The following WWC2 variants were observed in gnomAD, a reference collection of about 807,000 sequenced individuals.
The protein encoded by WWC2 is WW and C2 domain containing 2.
Under a neutral mutation model 138.5 loss-of-function variants are expected in WWC2, and 101 were observed. The ratio of observed to expected loss-of-function variants is 0.73; its 90% CI spans 0.62 to 0.86. The LOEUF is 0.86. Ranked by LOEUF, WWC2 falls within the 40% of genes least tolerant of loss-of-function variation. The pLI, the probability that WWC2 is intolerant of heterozygous loss-of-function variation, is 0.00. For synonymous variants in WWC2, 558 were observed against 538.4 expected (o/e 1.04, Z -0.50); for missense variants, 1,420 against 1,419.4 (o/e 1.00, Z -0.01).
At chr4:183,302,195 G>T (rs1738864063) in intron 21 of WWC2, among the ~76,000 whole-genome samples, 1 of 152,198 alleles carries the variant, frequency 6.6e-6, no homozygotes, top group Non-Finnish European at 1.5e-5. Context: ...TAAGAGAATT[G>T]CTGATAGTAT....
intron 4 of WWC2, among the ~76,000 whole-genome samples, chr4:183,232,499 C>T (rs542861626): frequency 7.9e-5 from 12 of 152,254 alleles, no homozygotes; most frequent in East Asian, 5.8e-4. Flanking sequence ...CTGTTACAGA[C>T]ATTTCATATA....
chr4:183,147,903 A>G (rs1733509298), intron 1 of WWC2, among the ~76,000 whole-genome samples: 1 of 152,196 alleles, frequency 6.6e-6, no homozygotes, highest in African/African-American at 2.4e-5. Context: ...GTTCTGTTTC[A>G]TTGTTCAAAA....
chr4:183,243,197 A>C (rs76415623), intron 5 of WWC2, among the ~76,000 whole-genome samples: 4,324 of 152,266 alleles, frequency 0.028, 213 homozygotes, highest in African/African-American at 0.096. Flanking sequence ...TCAAATGATA[A>C]AGTTTATGTT....
intron 1 of WWC2, among the ~76,000 whole-genome samples, chr4:183,162,293 A>G (rs1379087938): frequency 4.6e-5 from 7 of 152,222 alleles, no homozygotes; most frequent in African/African-American, 1.7e-4. Flanking sequence ...ATTTGCCTAT[A>G]CACTTATAGA....
intron 19 of WWC2, among the ~76,000 whole-genome samples, chr4:183,284,677 G>A (rs983911896): frequency 1.3e-5 from 2 of 152,094 alleles, no homozygotes; most frequent in African/African-American, 4.8e-5. Context: ...TTTGGACTTC[G>A]GTCTGTATTT....
chr4:183,276,029 T>C (rs920430439), intron 16 of WWC2, among the ~76,000 whole-genome samples: 1 of 152,150 alleles, frequency 6.6e-6, no homozygotes, highest in African/African-American at 2.4e-5. Flanking sequence ...TTGCATTGCA[T>C]CTTTCTGTTC....
intron 4 of WWC2, among the ~76,000 whole-genome samples, chr4:183,216,442 G>T (rs2078781020): frequency 6.6e-6 from 1 of 152,162 alleles, no homozygotes; most frequent in Non-Finnish European, 1.5e-5. Flanking sequence ...TAAAATTCAG[G>T]CTGTCAAAAT....
chr4:183,282,256 C>T (rs956374197), intron 17 of WWC2, among the ~76,000 whole-genome samples: 4 of 152,132 alleles, frequency 2.6e-5, no homozygotes, highest in Non-Finnish European at 5.9e-5. Context: ...ACTTCCTTAA[C>T]GTAGGATTCT....
chr4:183,271,332 G>C, intron 16 of WWC2, 91 bp downstream of exon 16: 1 of 1,047,338 alleles, frequency 9.5e-7, no homozygotes, highest in Non-Finnish European at 1.3e-6. Context: ...GGAATGCTAC[G>C]AGACCAACAT....
Position 183,318,187 on chromosome 4 carries a change from A to G in WWC2, c.*2458A>G, listed in dbSNP as rs956194722. The stretch of plus-strand genomic sequence containing the variant: ...TTTGAATTATCAGTATATTATTACA[A>G]TTTTGTATATCAGAATCTTAAGTGT... On this transcript the variant is annotated 3_prime_UTR_variant, in exon 23 of 23. Transcript: ENST00000403733. The G allele has an allele frequency of 6.6e-6, 1 of 152,630 alleles. No individual in the cohort carries two copies. Among genetic ancestry groups the G allele is most frequent in the African/African-American group, 2.4e-5 (1 of 41,464 alleles). 9.5% of individuals were successfully genotyped at this position (152,630 alleles called of 1,614,324 possible). A position where few individuals can be genotyped will look rare whatever the true frequency, so the allele number is the denominator to read the frequency against.
chr4:183,282,942 C>A (rs773388796), intron 18 of WWC2, 36 bp downstream of exon 18: 8 of 1,521,960 alleles, frequency 5.3e-6, no homozygotes, highest in Admixed American at 4.2e-5. Flanking sequence ...AAACTGATAC[C>A]TTACAGGCAC....
rs1739560026 is a variant in WWC2, at chr4:183,319,496, C to G, written c.*3767C>G. 10 of 1,486,548 alleles carry G rather than the reference C, an allele frequency of 6.7e-6. No individual in the cohort carries two copies. Among genetic ancestry groups the G allele is most frequent in the Non-Finnish European group, 8.2e-6 (9 of 1,103,226 alleles). 92.1% of individuals were successfully genotyped at this position (1,486,548 alleles called of 1,614,324 possible). ...CAGTGAGATGACTAGAGCGGGACATCCTACCAAATCCAGTGTTGAGCAAGC... is the reference window on the plus strand; with the variant it reads ...CAGTGAGATGACTAGAGCGGGACATGCTACCAAATCCAGTGTTGAGCAAGC... On this transcript the variant is annotated 3_prime_UTR_variant, in exon 23 of 23. Transcript: ENST00000403733.
chr4:183,146,635 G>T (rs1733469247), intron 1 of WWC2, among the ~76,000 whole-genome samples: 1 of 152,164 alleles, frequency 6.6e-6, no homozygotes, highest in Admixed American at 6.5e-5. Flanking sequence ...GCTCATGTGC[G>T]CAGCGTACAG....
chr4:183,168,634 G>A (rs1326852284), intron 1 of WWC2, among the ~76,000 whole-genome samples: 2 of 152,080 alleles, frequency 1.3e-5, no homozygotes, highest in African/African-American at 4.8e-5. Context: ...TCTGCGTCTT[G>A]ACTGAGCTGT....
intron 1 of WWC2, among the ~76,000 whole-genome samples, chr4:183,156,096 G>A (rs1327370261): frequency 4.0e-5 from 6 of 151,380 alleles, no homozygotes; most frequent in Non-Finnish European, 5.9e-5. Flanking sequence ...GCGTGATCTC[G>A]GCCCATTGCA....
At chr4:183,120,933 A>G (rs1036067184) in intron 1 of WWC2, among the ~76,000 whole-genome samples, 3 of 152,172 alleles carry the variant, frequency 2.0e-5, no homozygotes, top group African/African-American at 7.2e-5. Context: ...TTTAAAAAGT[A>G]ACATTGTGGC....
chr4:183,299,272 C>T (rs1231430306), intron 21 of WWC2, among the ~76,000 whole-genome samples: 2 of 152,128 alleles, frequency 1.3e-5, no homozygotes, highest in Non-Finnish European at 2.9e-5. Context: ...CCTCTCAATA[C>T]CGTTACAATG....
Position 183,099,418 on chromosome 4 carries a change from C to A in WWC2, c.-74C>A. 8.5e-7 allele frequency: 1 copy of A among 1,182,882 alleles called. No homozygotes were observed. Among genetic ancestry groups the A allele is most frequent in the Non-Finnish European group, 1.0e-6 (1 of 952,468 alleles). The allele number at this position is 1,182,882 out of a possible 1,614,324, so 73.3% of individuals were successfully genotyped here. ...CCGCGTCGCGGGTTGGCAGCCTAGC[C>A]CGGCAGCCGCGTTCCCGCCGCGTCC... On this transcript the variant is annotated 5_prime_UTR_variant, in exon 1 of 23. Coordinates refer to ENST00000403733, the MANE Select transcript of WWC2 (RefSeq NM_024949.6).
chr4:183,261,182 G>A lies in WWC2; in HGVS notation c.1559G>A (p.Ser520Asn). 6.2e-7 allele frequency: 1 copy of A among 1,613,652 alleles called. No individual in the cohort carries two copies. The highest frequency in any genetic ancestry group is 8.5e-7 in the Non-Finnish European group (1 of 1,179,766). ...VVKSPSQPGQSGLCGVAAAAT... is the reference protein window; with the variant it reads ...VVKSPSQPGQNGLCGVAAAAT... The stretch of plus-strand genomic sequence containing the variant: ...AAGTCCCCTAGCCAGCCTGGCCAGA[G>A]TGGACTCTGTGGAGTGGCAGCTGCA... The change falls in exon 11 of 23, where the codon AGT becomes AAT. Residue 520 changes from serine to asparagine, a missense_variant. Physicochemically the swap from Ser to Asn is conservative, Grantham distance 46. Coordinates refer to ENST00000403733, the MANE Select transcript of WWC2 (RefSeq NM_024949.6).
Sources: gnomAD v4.1 joint callset for allele counts (sites outside exome capture counted in the v4.1 genomes callset) on GRCh38, gnomAD v4.1.1 for gene constraint, MANE v1.5 for transcripts, NCBI Gene and HGNC (gene_info 2026-07-23, HGNC 2026-07-21) for gene names.